Variants in SPECC1 observed in about 807,000 individuals in gnomAD.
The protein encoded by SPECC1 is cytospin-B.
In SPECC1, 62 loss-of-function variants were observed where a neutral mutation model predicts 104.1. The observed-to-expected ratio is 0.60, with a 90% CI of 0.49 to 0.74. The LOEUF (loss-of-function observed/expected upper bound fraction) is 0.74. Ranked by LOEUF, SPECC1 falls within the 30% of genes least tolerant of loss-of-function variation. SPECC1 has a pLI of 0.00. For missense variants in SPECC1, 1,306 were observed against 1,310.5 expected, an observed-to-expected ratio of 1.00 and a Z score of 0.05; for synonymous variants, 513 against 501.6, an observed-to-expected ratio of 1.02 and a Z score of -0.30.
chr17:20,049,885 T>C (rs1394437912), intron 1 of SPECC1, among the ~76,000 whole-genome samples: 1 of 152,126 alleles, frequency 6.6e-6, no homozygotes, highest in Non-Finnish European at 1.5e-5. Context: ...GTGCAATATC[T>C]CAGCTCACCG....
chr17:20,284,319 A>G (rs1364778305), intron 12 of SPECC1, among the ~76,000 whole-genome samples: 1 of 152,228 alleles, frequency 6.6e-6, no homozygotes, highest in Non-Finnish European at 1.5e-5. Context: ...AAAGCTGCAC[A>G]TTTTATGGAA....
chr17:20,059,993 G>C (rs1376464436), intron 1 of SPECC1, among the ~76,000 whole-genome samples: 1 of 152,172 alleles, frequency 6.6e-6, no homozygotes, highest in Non-Finnish European at 1.5e-5. Context: ...TCTTCCACAT[G>C]GCATGCCATT....
chr17:20,099,365 G>A (rs954651919), intron 2 of SPECC1, among the ~76,000 whole-genome samples: 6 of 151,788 alleles, frequency 4.0e-5, no homozygotes, highest in African/African-American at 1.2e-4. Flanking sequence ...GCTGGAATAC[G>A]GAAATATTTT....
chr17:20,091,516 C>T (rs114075575), intron 1 of SPECC1, among the ~76,000 whole-genome samples: 227 of 152,164 alleles, frequency 1.5e-3, no homozygotes, highest in African/African-American at 5.3e-3. Flanking sequence ...TCTCTGGGCT[C>T]TGTCCAGTAG....
intron 11 of SPECC1, 96 bp from the exon 12 acceptor site, chr17:20,260,096 C>A: frequency 1.1e-6 from 1 of 935,498 alleles, no homozygotes; most frequent in Non-Finnish European, 1.6e-6. Flanking sequence ...ATAAACTAGA[C>A]TTTTGCTTTT....
At chr17:20,018,861 C>T (rs965254398) in intron 1 of SPECC1, among the ~76,000 whole-genome samples, 1 of 152,192 alleles carries the variant, frequency 6.6e-6, no homozygotes, top group East Asian at 1.9e-4. Flanking sequence ...AGAGACCCAA[C>T]ACCCAGGGTT....
intron 12 of SPECC1, among the ~76,000 whole-genome samples, chr17:20,285,806 T>TCTTC (rs1212660826): frequency 7.4e-5 from 11 of 149,186 alleles, no homozygotes; most frequent in African/African-American, 2.5e-4. Context: ...TCCCTTTCTT[T>TCTTC]CTTCCTTCCT....
At chr17:20,088,466 A>G (rs1457390591) in intron 1 of SPECC1, among the ~76,000 whole-genome samples, 1 of 152,160 alleles carries the variant, frequency 6.6e-6, no homozygotes, top group Non-Finnish European at 1.5e-5. Context: ...GGCAGTGGTC[A>G]CAGACCTAGG....
chr17:20,112,083 A>G (rs1159662989), intron 3 of SPECC1: 5 of 766,078 alleles, frequency 6.5e-6, no homozygotes, highest in Admixed American at 1.7e-5. Context: ...AGGATTCCAC[A>G]TAGACTGGCT....
chr17:20,073,203 C>G (rs1442092101), intron 1 of SPECC1, among the ~76,000 whole-genome samples: 2 of 152,118 alleles, frequency 1.3e-5, no homozygotes, highest in Admixed American at 1.3e-4. Flanking sequence ...GCCCGACTTC[C>G]CCTTCCCACC....
At chr17:20,140,931 G>A (rs867637107) in intron 3 of SPECC1, among the ~76,000 whole-genome samples, 5 of 152,216 alleles carry the variant, frequency 3.3e-5, no homozygotes, top group Non-Finnish European at 7.3e-5. Flanking sequence ...ATCTATGGCT[G>A]TCTTACCTCC....
chr17:20,015,169 T>C (rs2044069872), intron 1 of SPECC1, among the ~76,000 whole-genome samples: 1 of 152,236 alleles, frequency 6.6e-6, no homozygotes, highest in Non-Finnish European at 1.5e-5. Flanking sequence ...TTTGAGTGTT[T>C]CCTTGCCTCT....
intron 7 of SPECC1, among the ~76,000 whole-genome samples, chr17:20,239,782 C>T (rs530127793): frequency 1.3e-5 from 2 of 151,162 alleles, no homozygotes; most frequent in South Asian, 2.1e-4. Flanking sequence ...CATCTGTATA[C>T]ATCCTGAGCA....
intron 3 of SPECC1, among the ~76,000 whole-genome samples, chr17:20,133,445 T>C (rs1047943745): frequency 2.6e-5 from 4 of 152,130 alleles, no homozygotes; most frequent in Non-Finnish European, 5.9e-5. Flanking sequence ...ATCATGGCAG[T>C]TAAAAAAAAA....
At chr17:20,215,490 T>C (rs2037429638) in intron 4 of SPECC1, among the ~76,000 whole-genome samples, 1 of 152,236 alleles carries the variant, frequency 6.6e-6, no homozygotes, top group Admixed American at 6.5e-5. Flanking sequence ...TGTTCTGTTT[T>C]CTAATAAAAC....
intron 3 of SPECC1, chr17:20,112,249 A>C: frequency 1.3e-6 from 1 of 763,230 alleles, no homozygotes; most frequent in Non-Finnish European, 2.4e-6. Context: ...CGAAGTCCTG[A>C]GTACTTTGAA....
chr17:20,197,538 G>C (rs544617803), intron 3 of SPECC1, among the ~76,000 whole-genome samples: 1 of 152,170 alleles, frequency 6.6e-6, no homozygotes, highest in Non-Finnish European at 1.5e-5. Flanking sequence ...GGAATTTAGA[G>C]TAGTTAATTT....
At chr17:20,016,622 C>T (rs1477380661) in intron 1 of SPECC1, among the ~76,000 whole-genome samples, 1 of 152,244 alleles carries the variant, frequency 6.6e-6, no homozygotes, top group African/African-American at 2.4e-5. Flanking sequence ...GGGCCAGCAG[C>T]TGCTGTGCCC....
chr17:20,221,309 G>T (rs1037167064), intron 4 of SPECC1, among the ~76,000 whole-genome samples: 1 of 151,920 alleles, frequency 6.6e-6, no homozygotes, highest in Non-Finnish European at 1.5e-5. Context: ...CTTTGCTGGG[G>T]GACTTTTTAT....
Sources: allele counts gnomAD v4.1 joint callset (sites outside exome capture counted in the v4.1 genomes callset), GRCh38; gene constraint gnomAD v4.1.1; transcripts MANE v1.5; gene names NCBI Gene and HGNC (gene_info 2026-07-23, HGNC 2026-07-21).